Variants in MYT1L observed in about 807,000 individuals in gnomAD.
MYT1L encodes the protein myelin transcription factor 1-like protein.
MYT1L carries 12 observed loss-of-function variants against 126.7 expected under a neutral mutation model. The ratio of observed to expected loss-of-function variants is 0.09; its 90% CI spans 0.06 to 0.15. The LOEUF is 0.15. Among genes scored for constraint, MYT1L ranks in the 10% least tolerant of loss-of-function variants. The probability of loss-of-function intolerance (pLI) is 1.00; values close to 1 mark genes in which losing one functional copy is unlikely to be tolerated. For missense variants in MYT1L, 979 were observed against 1,585.2 expected, an observed-to-expected ratio of 0.62 and a Z score of 6.49; for synonymous variants, 541 against 604.2, an observed-to-expected ratio of 0.90 and a Z score of 1.53.
chr2:2,297,844 A>T (rs1218520667), intron 1 of MYT1L, among the ~76,000 whole-genome samples: 1 of 151,866 alleles, frequency 6.6e-6, no homozygotes, highest in Non-Finnish European at 1.5e-5. Flanking sequence ...AAGCAAAACC[A>T]CTCTGCTCTC....
intron 23 of MYT1L, among the ~76,000 whole-genome samples, chr2:1,794,099 C>T (rs1454700247): frequency 6.6e-6 from 1 of 152,054 alleles, no homozygotes; most frequent in Non-Finnish European, 1.5e-5. Flanking sequence ...TAAAAAGGTA[C>T]ACGCAGGGGG....
In MYT1L at chr2:2,038,104, C is replaced by G. The variant is rs1021231110; in HGVS notation, c.-158+15874G>C. Among the ~76,000 whole-genome samples, 5 of 152,160 alleles carry G rather than the reference C, an allele frequency of 3.3e-5. No individual in the cohort carries two copies. The East Asian group carries it at 9.7e-4, about 29-fold the overall frequency. On this transcript the variant is annotated intron_variant, in intron 4 of 24. Transcript: ENST00000647738. Reference sequence around the variant, plus strand: ...TTGGACAGAAACCTGAGCAATAGGACCGGGACTACAATACGTGCTCGCTGA... The same window carrying G: ...TTGGACAGAAACCTGAGCAATAGGAGCGGGACTACAATACGTGCTCGCTGA...
chr2:2,081,859 C>G (rs1017320439), intron 3 of MYT1L, among the ~76,000 whole-genome samples: 3 of 152,146 alleles, frequency 2.0e-5, no homozygotes, highest in African/African-American at 7.2e-5. Context: ...CCTGCCTCAG[C>G]CTCCTGAGTA....
At chr2:1,957,190 G>C (rs1007462142) in intron 8 of MYT1L, among the ~76,000 whole-genome samples, 6 of 152,292 alleles carry the variant, frequency 3.9e-5, no homozygotes, top group Admixed American at 2.6e-4. Context: ...TGAGATGTGA[G>C]TGCATGTCTA....
chr2:1,847,802 G>A (rs1053131769), intron 19 of MYT1L, among the ~76,000 whole-genome samples: 3 of 152,204 alleles, frequency 2.0e-5, no homozygotes, highest in African/African-American at 4.8e-5. Context: ...GCAAAGCAGC[G>A]GATAGAGGAT....
intron 3 of MYT1L, among the ~76,000 whole-genome samples, chr2:2,169,274 G>A (rs774627521): frequency 6.6e-6 from 1 of 152,162 alleles, no homozygotes; most frequent in Non-Finnish European, 1.5e-5. Context: ...TGTGGTAGGA[G>A]CACACTCTGC....
At chr2:1,840,204 T>G (rs1163776811) in intron 20 of MYT1L, among the ~76,000 whole-genome samples, 1 of 152,204 alleles carries the variant, frequency 6.6e-6, no homozygotes, top group Non-Finnish European at 1.5e-5. Context: ...TCTGGGGATG[T>G]GAAGTGAGGC....
At chr2:1,834,725 C>T (rs1047907575) in intron 21 of MYT1L, among the ~76,000 whole-genome samples, 17 of 152,164 alleles carry the variant, frequency 1.1e-4, no homozygotes, top group African/African-American at 3.6e-4. Context: ...TCAATGGAGA[C>T]GGAAGAATTG....
At position 1,922,330 on chromosome 2, in the gene MYT1L, G is replaced by T; in HGVS notation, c.1439C>A (p.Pro480His). ...PRQLPGEDRK[P>H]KSSDSHVKKP... is the part of the protein sequence containing the mutation. ...TTTGACATGGCTGTCACTGGATTTA[G>T]GCTTTCTGTCCTCCCCGGGAAGTTG... Residue 480 changes from proline to histidine, a missense_variant, in exon 10 of 25, where the codon CCT becomes CAT. Pro to His is a moderately conservative substitution (Grantham distance 77). This residue lies in a region of MYT1L where 67 missense variants were observed against 80.3 expected (regional missense o/e 0.83). Transcript: ENST00000647738. This position sits in a 1 kb window ranked among gnomAD's most constrained non-coding sequence, Gnocchi z 7.4. 1 of 1,613,898 alleles carries T rather than the reference G, an allele frequency of 6.2e-7. No homozygotes were observed. The highest frequency in any genetic ancestry group is 8.5e-7 in the Non-Finnish European group (1 of 1,179,874).
intron 2 of MYT1L, among the ~76,000 whole-genome samples, chr2:2,177,785 A>G (rs1168188086): frequency 5.9e-5 from 9 of 152,148 alleles, no homozygotes; most frequent in Admixed American, 5.2e-4. Flanking sequence ...CCACGATCCA[A>G]TCACCTCCCA....
At chr2:1,996,693 G>A (rs532266468) in intron 5 of MYT1L, among the ~76,000 whole-genome samples, 41 of 133,718 alleles carry the variant, frequency 3.1e-4, no homozygotes, top group Non-Finnish European at 5.9e-4. Context: ...GCACAGAACC[G>A]AGTGTAGATG....
At chr2:2,001,425 A>G (rs566327013) in intron 4 of MYT1L, among the ~76,000 whole-genome samples, 1 of 152,316 alleles carries the variant, frequency 6.6e-6, no homozygotes, top group African/African-American at 2.4e-5. Flanking sequence ...TCTTTACAAA[A>G]GGATAGAGAT....
At position 1,829,210 on chromosome 2, in the gene MYT1L, C is replaced by T. The variant is rs371617060; in HGVS notation, c.3080+9939G>A. Among the ~76,000 whole-genome samples, 6 of 152,178 alleles carry T rather than the reference C, an allele frequency of 3.9e-5. No homozygotes were observed. In the East Asian group the frequency reaches 9.7e-4, roughly 25 times the overall value. On this transcript the variant is annotated intron_variant, in intron 21 of 24. Transcript: ENST00000647738. ...CTGGTTCCTTCTCCCCCAACTTTACCTCCTGACTTCTTTTGCTGGACTAGA... is the reference window on the plus strand; with the variant it reads ...CTGGTTCCTTCTCCCCCAACTTTACTTCCTGACTTCTTTTGCTGGACTAGA...
At chr2:1,963,350 A>G (rs2059113639) in intron 8 of MYT1L, among the ~76,000 whole-genome samples, 1 of 152,270 alleles carries the variant, frequency 6.6e-6, no homozygotes, top group African/African-American at 2.4e-5. Flanking sequence ...TATAAAGCAC[A>G]GGTGGAGTAG....
At chr2:2,236,366 G>A (rs1445087327) in intron 2 of MYT1L, among the ~76,000 whole-genome samples, 17 of 113,462 alleles carry the variant, frequency 1.5e-4, no homozygotes, top group Non-Finnish European at 2.6e-4. Flanking sequence ...ACCCACCCCA[G>A]TACATCCCAA....
In MYT1L at chr2:1,929,753, A is replaced by C. The variant is rs1375496579; in HGVS notation, c.506-6490T>G. Among the ~76,000 whole-genome samples the C allele has an allele frequency of 2.6e-5, 4 of 152,200 alleles. No homozygotes were observed. Among genetic ancestry groups the C allele is most frequent in the Non-Finnish European group, 5.9e-5 (4 of 68,040 alleles). ...TTCTTTGAATTTTAGTGCTAGATAG[A>C]ATTATTGAGATCATGCCTTCAAAAT... On this transcript the variant is annotated intron_variant, in intron 9 of 24. Coordinates refer to ENST00000647738, the MANE Select transcript of MYT1L (RefSeq NM_001303052.2). The surrounding 1 kb of genome is among the most constrained non-coding windows in gnomAD (Gnocchi z 4.7).
chr2:1,863,418 C>G (rs543570863), intron 18 of MYT1L, among the ~76,000 whole-genome samples: 2 of 152,298 alleles, frequency 1.3e-5, no homozygotes, highest in Non-Finnish European at 2.9e-5. Flanking sequence ...AGCAAAACAA[C>G]AAGAAAACTG....
chr2:2,039,061 C>T (rs188171383), intron 4 of MYT1L, among the ~76,000 whole-genome samples: 24 of 152,246 alleles, frequency 1.6e-4, no homozygotes, highest in Non-Finnish European at 2.5e-4. Flanking sequence ...TTTCCCGGTA[C>T]GTGGAACAGC....
chr2:1,883,701 G>A (rs1558267727), intron 18 of MYT1L, among the ~76,000 whole-genome samples: 3 of 152,234 alleles, frequency 2.0e-5, no homozygotes, highest in Non-Finnish European at 2.9e-5. Flanking sequence ...GCATCGACGC[G>A]CAAAAGTCTG....
Sources: gnomAD v4.1 joint callset for allele counts (sites outside exome capture counted in the v4.1 genomes callset) on GRCh38, gnomAD v4.1.1 for gene constraint, gnomAD v4.1.1 regional missense constraint, Gnocchi (gnomAD v3.1) non-coding constraint, MANE v1.5 for transcripts, NCBI Gene and HGNC (gene_info 2026-07-23, HGNC 2026-07-21) for gene names.